CPAMD8: variants seen among roughly 807,000 people sequenced by gnomAD.
CPAMD8 encodes C3 and PZP like alpha-2-macroglobulin domain containing 8.
CPAMD8 carries 146 observed loss-of-function variants against 224.7 expected under a neutral mutation model. The ratio of observed to expected loss-of-function variants is 0.65; its 90% CI spans 0.57 to 0.75. The LOEUF (loss-of-function observed/expected upper bound fraction) is 0.75. CPAMD8 is among the 30% of genes least tolerant of loss of function. CPAMD8 has a pLI of 0.00. For synonymous variants in CPAMD8, 966 were observed against 1,044.6 expected (o/e 0.92, Z 1.45); for missense variants, 2,301 against 2,537.5 (o/e 0.91, Z 2.00).
chr19:17,023,305 A>T (rs2057004723), intron 1 of CPAMD8, among the ~76,000 whole-genome samples: 1 of 152,246 alleles, frequency 6.6e-6, no homozygotes, highest in Non-Finnish European at 1.5e-5. Context: ...AGGTGCCCTT[A>T]GGGGACCTGA....
rs1222527135 is a variant in CPAMD8 at position 16,952,117 on chromosome 19, G to T, written c.2360C>A (p.Thr787Asn). ...CTCGGCGATGCCTAAGCCCTGAGAG[G>T]TGGACAGGGCCACGGCCTCACCCAC... ...SWVGEAVALS[T>N]SQGLGIAEPS... is the part of the protein sequence containing the mutation. The change falls in exon 20 of 42, where the codon ACC becomes AAC. Residue 787 changes from threonine (T) to asparagine (N), a missense_variant. Transcript: ENST00000443236. 9.0e-6 allele frequency: 14 copies of T among 1,553,114 alleles called. No homozygotes were observed. The highest frequency in any genetic ancestry group is 1.2e-5 in the Non-Finnish European group (14 of 1,147,490).
intron 13 of CPAMD8, among the ~76,000 whole-genome samples, chr19:16,983,010 T>C (rs1568561079): frequency 1.3e-5 from 2 of 152,278 alleles, no homozygotes; most frequent in Admixed American, 1.3e-4. Flanking sequence ...TTTCACTTGG[T>C]TCCCATTCTC....
At chr19:16,959,153 T>C (rs2054568668) in intron 18 of CPAMD8, among the ~76,000 whole-genome samples, 1 of 151,218 alleles carries the variant, frequency 6.6e-6, no homozygotes, top group Admixed American at 6.6e-5. Context: ...TGGCATCTCA[T>C]TGTGGTTTTG....
intron 41 of CPAMD8, chr19:16,895,973 TG>T: frequency 1.4e-6 from 1 of 699,938 alleles, no homozygotes. Context: ...GGGTGTTGCG[TG>T]GGCCAGGGTG....
At chr19:16,919,984 C>T (rs11878652) in intron 27 of CPAMD8, among the ~76,000 whole-genome samples, 1,941 of 152,230 alleles carry the variant, frequency 0.013, 28 homozygotes, top group East Asian at 0.048. Flanking sequence ...GGTTGATCAT[C>T]GGGTCTAAGG....
At chr19:16,972,165 A>G (rs1179438666) in intron 17 of CPAMD8, among the ~76,000 whole-genome samples, 3 of 152,108 alleles carry the variant, frequency 2.0e-5, no homozygotes, top group Admixed American at 6.6e-5. Context: ...GATCTCTTTT[A>G]TTAGTATTAG....
chr19:16,987,762 T>C (rs1190391551), intron 13 of CPAMD8, among the ~76,000 whole-genome samples: 1 of 152,052 alleles, frequency 6.6e-6, no homozygotes, highest in African/African-American at 2.4e-5. Flanking sequence ...GTGATCCTCC[T>C]GCCTCAGCCT....
chr19:16,988,350 C>T (rs2055818759), intron 13 of CPAMD8, among the ~76,000 whole-genome samples: 1 of 152,160 alleles, frequency 6.6e-6, no homozygotes, highest in Admixed American at 6.5e-5. Context: ...GTGGCTCACG[C>T]CTGTAATCCC....
chr19:16,963,684 C>T (rs1235794023), intron 18 of CPAMD8, among the ~76,000 whole-genome samples: 1 of 152,132 alleles, frequency 6.6e-6, no homozygotes, highest in Non-Finnish European at 1.5e-5. Flanking sequence ...AGCTCTGCAC[C>T]AAGCAGACCT....
At chr19:16,949,569 CT>C (rs141882130) in intron 20 of CPAMD8, among the ~76,000 whole-genome samples, 1,958 of 152,284 alleles carry the variant, frequency 0.013, 27 homozygotes, top group Middle Eastern at 0.054. Flanking sequence ...TGACCGCTGC[CT>C]TGGTTGCTTC....
At chr19:16,964,031 T>G (rs2054740807) in intron 18 of CPAMD8, among the ~76,000 whole-genome samples, 1 of 152,106 alleles carries the variant, frequency 6.6e-6, no homozygotes, top group Non-Finnish European at 1.5e-5. Context: ...CTGGGACACA[T>G]TTAAAGCAGT....
In CPAMD8 at chr19:16,945,640, T is replaced by C; in HGVS notation, c.2702A>G (p.Asp901Gly). Residue 901 changes from aspartate to glycine, a missense_variant, in exon 22 of 42, where the codon GAT becomes GGT. Physicochemically the swap from Asp to Gly is moderately conservative, Grantham distance 94. This residue lies in a region of CPAMD8 where 1,709 missense variants were observed against 1,753.2 expected (regional missense o/e 0.97). Transcript: ENST00000443236. ...LAYGDTNCCR[D>G]GRSSKHPEEN... Reference sequence around the variant, plus strand: ...CTCAGGGTGTTTGCTGGACCTCCCATCCCGGCAGCAATTTGTGTCTCCGTA... The same window carrying C: ...CTCAGGGTGTTTGCTGGACCTCCCACCCCGGCAGCAATTTGTGTCTCCGTA... 6.2e-7 allele frequency: 1 copy of C among 1,614,130 alleles called. No homozygotes were observed. Among genetic ancestry groups the C allele is most frequent in the Non-Finnish European group, 8.5e-7 (1 of 1,179,974 alleles).
chr19:16,967,887 A>C (rs1483512880), intron 18 of CPAMD8, among the ~76,000 whole-genome samples: 1 of 90,838 alleles, frequency 1.1e-5, no homozygotes, highest in African/African-American at 4.6e-5. Context: ...ATATATACAC[A>C]CACATGTGTG....
chr19:16,966,967 C>T (rs1366134457), intron 18 of CPAMD8, among the ~76,000 whole-genome samples: 1 of 152,082 alleles, frequency 6.6e-6, no homozygotes, highest in Admixed American at 6.6e-5. Context: ...AATACCATTT[C>T]ACCCAGCAAT....
chr19:16,947,030 T>G, intron 21 of CPAMD8, 44 bp downstream of exon 21: 1 of 1,543,530 alleles, frequency 6.5e-7, no homozygotes, highest in Middle Eastern at 1.8e-4. Flanking sequence ...GACACTTTTG[T>G]GGCCTGGAGA....
At chr19:16,910,381 G>C (rs2052679684) in intron 29 of CPAMD8, 1 of 151,650 alleles carries the variant, frequency 6.6e-6, no homozygotes, top group South Asian at 2.1e-4. Context: ...TGTTGGTCAG[G>C]CTGGTCTCGA....
intron 22 of CPAMD8, among the ~76,000 whole-genome samples, chr19:16,939,187 T>TTATC (rs1180916316): frequency 0.012 from 996 of 84,742 alleles, 3 homozygotes; most frequent in Middle Eastern, 0.025. Context: ...ATTTATTTAT[T>TTATC]TATCTATCTA....
Position 17,011,483 on chromosome 19 carries a change from A to C in CPAMD8, c.467T>G (p.Leu156Arg). The C allele has an allele frequency of 6.2e-7, 1 of 1,614,228 alleles. No individual in the cohort carries two copies. Among genetic ancestry groups the C allele is most frequent in the Non-Finnish European group, 8.5e-7 (1 of 1,180,028 alleles). Residue 156 changes from leucine (L) to arginine (R), a missense_variant, in exon 5 of 42, where the codon CTG (leucine) becomes CGG (arginine). Leu to Arg is a moderately radical substitution (Grantham distance 102). This residue lies in a region of CPAMD8 where 283 missense variants were observed against 340.6 expected (regional missense o/e 0.83). Coordinates refer to ENST00000443236, the MANE Select transcript of CPAMD8 (RefSeq NM_015692.5). ...LISIFTVSPN[L>R]RPVNEKLEAY... ...TCTCACCTTCTCGTTGACAGGCCTC[A>C]GATTTGGAGAGACGGTGAAGATGCT...
chr19:16,924,325 A>T (rs2053281141), intron 26 of CPAMD8, among the ~76,000 whole-genome samples: 1 of 152,082 alleles, frequency 6.6e-6, no homozygotes, highest in Admixed American at 6.5e-5. Flanking sequence ...CTGGATGCAC[A>T]CAGGGTCCGG....
Sources: gnomAD v4.1 joint callset for allele counts (sites outside exome capture counted in the v4.1 genomes callset) on GRCh38, gnomAD v4.1.1 for gene constraint, gnomAD v4.1.1 regional missense constraint, MANE v1.5 for transcripts, NCBI Gene and HGNC (gene_info 2026-07-23, HGNC 2026-07-21) for gene names.